Variants in USP6 observed in about 807,000 individuals in gnomAD.
USP6 encodes the protein ubiquitin specific peptidase 6.
Under a neutral mutation model 175.7 loss-of-function variants are expected in USP6, and 128 were observed. The ratio of observed to expected loss-of-function variants is 0.73; its 90% CI spans 0.63 to 0.84. The LOEUF is 0.84. Ranked by LOEUF, USP6 falls within the 40% of genes least tolerant of loss-of-function variation. The pLI is 0.00. For synonymous variants in USP6, 562 were observed against 630.6 expected (o/e 0.89, Z 1.63); for missense variants, 1,498 against 1,760.3 (o/e 0.85, Z 2.67).
intron 33 of USP6, among the ~76,000 whole-genome samples, chr17:5,163,527 G>A (rs116418663): frequency 0.024 from 3,671 of 152,248 alleles, 146 homozygotes; most frequent in African/African-American, 0.083. Flanking sequence ...CCCTGTGACC[G>A]AAACACCTCC....
At chr17:5,164,915 A>AT (rs931742874) in intron 33 of USP6, among the ~76,000 whole-genome samples, 1 of 152,222 alleles carries the variant, frequency 6.6e-6, no homozygotes, top group Non-Finnish European at 1.5e-5. Flanking sequence ...TCATCATAGC[A>AT]TTTTTTAGGA....
At chr17:5,156,202 A>G (rs2073880293) in intron 31 of USP6, among the ~76,000 whole-genome samples, 1 of 151,632 alleles carries the variant, frequency 6.6e-6, no homozygotes, top group African/African-American at 2.4e-5. Flanking sequence ...TTTTCCTACC[A>G]CTGTTCTATT....
At chr17:5,133,781 T>C (rs1598001711) in intron 14 of USP6, 106 bp from the exon 15 acceptor site, 6 of 1,333,564 alleles carry the variant, frequency 4.5e-6, no homozygotes, top group South Asian at 1.2e-5. Context: ...AAACCTTCCT[T>C]CTTTCCTTCC....
chr17:5,140,640 C>A (rs1202118587), intron 22 of USP6, among the ~76,000 whole-genome samples: 1 of 152,154 alleles, frequency 6.6e-6, no homozygotes, highest in Admixed American at 6.5e-5. Flanking sequence ...GAACTATTAT[C>A]TAAGGTTATT....
chr17:5,135,865 C>T lies in USP6; in HGVS notation c.601C>T (p.Pro201Ser), dbSNP rs757369523. The T allele has an allele frequency of 3.1e-6, 5 of 1,599,430 alleles. No individual in the cohort carries two copies. The highest frequency in any genetic ancestry group is 3.4e-6 in the Non-Finnish European group (4 of 1,179,814). Residue 201 changes from proline (P) to serine (S), a missense_variant, in exon 17 of 38, where the codon CCT becomes TCT. This residue lies in a region of USP6 where 1,217 missense variants were observed against 1,500.8 expected (regional missense o/e 0.81). Coordinates refer to ENST00000574788, the MANE Select transcript of USP6 (RefSeq NM_001304284.2). The stretch of plus-strand genomic sequence containing the variant: ...CACCGCCTTGTTCCTCCTTTATCTG[C>T]CTGAGGAGGACGCATTCTGGGCACT... ...HITALFLLYL[P>S]EEDAFWALVQ... is the part of the protein sequence containing the mutation.
chr17:5,139,577 G>C lies in USP6; in HGVS notation c.1401G>C (p.Trp467Cys). ...CGGACCTGGATATAGGGGGCCCTTG[G>C]TTCCCCCATTATGATTTTGAATGGA... is the stretch of plus-strand genomic sequence containing the variant. ...LPTDLDIGGP[W>C]FPHYDFEWSC... The change falls in exon 22 of 38, where the codon TGG becomes TGC. Residue 467 changes from tryptophan (W) to cysteine (C), a missense_variant. Trp to Cys is a radical substitution (Grantham distance 215). Around this residue, in one of 2 missense-constraint regions of USP6, gnomAD observed 1,217 missense variants for 1,500.8 expected, o/e 0.81. Coordinates refer to ENST00000574788, the MANE Select transcript of USP6 (RefSeq NM_001304284.2). 2 of 1,613,778 alleles carry C rather than the reference G, an allele frequency of 1.2e-6. No individual in the cohort carries two copies. Among genetic ancestry groups the C allele is most frequent in the Non-Finnish European group, 1.7e-6 (2 of 1,180,024 alleles).
At chr17:5,122,973 T>C (rs2072743846) in intron 4 of USP6, 1 of 152,654 alleles carries the variant, frequency 6.6e-6, no homozygotes, top group African/African-American at 2.4e-5. Flanking sequence ...AGTTGGAAAC[T>C]TACTGCAATC....
Position 5,174,051 on chromosome 17 carries a change from T to A in USP6, c.*1073T>A, listed in dbSNP as rs9905872. 72,210 of 208,914 alleles carry A rather than the reference T, an allele frequency of 0.35. 14,581 individuals are homozygous for A. The highest frequency in any genetic ancestry group is 0.45 in the Non-Finnish European group (46,202 of 102,274). The allele number at this position is 208,914 out of a possible 1,614,324, so 12.9% of individuals were successfully genotyped here. ...AGTTCATAAGTATATTTAATGAAAT[T>A]GGTGGTTTTAGGAAGTCAACTTTAG... On this transcript the variant is annotated 3_prime_UTR_variant, in exon 38 of 38. Coordinates refer to ENST00000574788, the MANE Select transcript of USP6 (RefSeq NM_001304284.2).
chr17:5,132,644 G>A lies in USP6; in HGVS notation c.195+209G>A, dbSNP rs796065572. Among the ~76,000 whole-genome samples, 1 of 152,196 alleles carries A rather than the reference G, an allele frequency of 6.6e-6. No individual in the cohort carries two copies. The highest frequency in any genetic ancestry group is 2.4e-5 in the African/African-American group (1 of 41,446). ...TGAGAACCACAGTCCTGGCTTGGGG[G>A]GTGGCTGCGCGCTTGTGTCAGGACC... On this transcript the variant is annotated intron_variant, in intron 12 of 37. Transcript: ENST00000574788. The surrounding 1 kb of genome is among the most constrained non-coding windows in gnomAD (Gnocchi z 4.7).
chr17:5,132,325 G>C lies in USP6; in HGVS notation c.156-71G>C. 6.2e-7 allele frequency: 1 copy of C among 1,611,814 alleles called. No homozygotes were observed. Among genetic ancestry groups the C allele is most frequent in the Non-Finnish European group, 8.5e-7 (1 of 1,179,684 alleles). On this transcript the variant is annotated intron_variant, in intron 11 of 37. Transcript: ENST00000574788. The surrounding 1 kb of genome is among the most constrained non-coding windows in gnomAD (Gnocchi z 4.7). ...TAGGGACAGAGCCAGTCCTTTCTGG[G>C]GGTCGGCTCCCAGGCTTGGGCGGCT...
chr17:5,162,846 A>G lies in USP6; in HGVS notation c.2916-38A>G, dbSNP rs748723302. 4.2e-5 allele frequency: 66 copies of G among 1,576,372 alleles called. 1 individual carries two copies. Among genetic ancestry groups the G allele is most frequent in the Non-Finnish European group, 4.4e-5 (52 of 1,170,894 alleles). On this transcript the variant is annotated intron_variant, in intron 32 of 37. Transcript: ENST00000574788. The stretch of plus-strand genomic sequence containing the variant: ...TTAAGAAAATTTAAATTCCTTCATA[A>G]TTATTTCTTCCTCTGTGGATCTTTC...
At chr17:5,166,150 G>A (rs1310659247) in intron 33 of USP6, among the ~76,000 whole-genome samples, 1 of 151,934 alleles carries the variant, frequency 6.6e-6, no homozygotes, top group Non-Finnish European at 1.5e-5. Flanking sequence ...TTCCTTGAGT[G>A]ACCAGTTCAA....
At chr17:5,150,335 T>TAAATAAAA (rs1227773943) in intron 30 of USP6, among the ~76,000 whole-genome samples, 5 of 139,286 alleles carry the variant, frequency 3.6e-5, no homozygotes, top group Non-Finnish European at 6.3e-5. Context: ...AATAAATAAA[T>TAAATAAAA]AAAATAAAGT....
chr17:5,160,422 G>A (rs1057177137), intron 31 of USP6, among the ~76,000 whole-genome samples: 3 of 152,048 alleles, frequency 2.0e-5, no homozygotes, highest in African/African-American at 7.3e-5. Context: ...TAATTGACAA[G>A]TAGGAATTGT....
intron 4 of USP6, among the ~76,000 whole-genome samples, 154 bp downstream of exon 4, chr17:5,121,904 CTGAT>C (rs1467700556): frequency 6.6e-6 from 1 of 152,084 alleles, no homozygotes; most frequent in Non-Finnish European, 1.5e-5. Flanking sequence ...AGGCTGGAGT[CTGAT>C]TGAGGAGCCT....
At chr17:5,140,575 A>T (rs960478412) in intron 22 of USP6, among the ~76,000 whole-genome samples, 9 of 152,208 alleles carry the variant, frequency 5.9e-5, no homozygotes, top group African/African-American at 1.7e-4. Flanking sequence ...AATATCTCTT[A>T]AAAAAAATTA....
At chr17:5,157,075 ATTT>A (rs2073900112) in intron 31 of USP6, among the ~76,000 whole-genome samples, 1 of 151,388 alleles carries the variant, frequency 6.6e-6, no homozygotes, top group Non-Finnish European at 1.5e-5. Flanking sequence ...TAAATAAGTT[ATTT>A]ATTTATTTTT....
chr17:5,125,497 T>C (rs990065197), intron 5 of USP6, among the ~76,000 whole-genome samples: 70 of 152,254 alleles, frequency 4.6e-4, no homozygotes, highest in African/African-American at 1.6e-3. Flanking sequence ...GTTTACATGC[T>C]ACAAAAAATA....
chr17:5,157,851 G>T (rs541414408), intron 31 of USP6, among the ~76,000 whole-genome samples: 2 of 152,020 alleles, frequency 1.3e-5, no homozygotes, highest in African/African-American at 4.8e-5. Flanking sequence ...GGATGGTTTC[G>T]ATCTCCTGAC....
Sources: allele counts gnomAD v4.1 joint callset (sites outside exome capture counted in the v4.1 genomes callset), GRCh38; gene constraint gnomAD v4.1.1; regional missense constraint gnomAD v4.1.1; non-coding constraint Gnocchi (gnomAD v3.1); transcripts MANE v1.5; gene names NCBI Gene and HGNC (gene_info 2026-07-23, HGNC 2026-07-21).